Variants in HS6ST3 observed in about 807,000 individuals in gnomAD.
The protein encoded by HS6ST3 is heparan sulfate 6-O-sulfotransferase 3.
A neutral mutation model predicts 36.7 loss-of-function variants in HS6ST3; 12 were observed. The ratio of observed to expected loss-of-function variants is 0.33; its 90% confidence interval spans 0.21 to 0.53. HS6ST3 has a LOEUF of 0.53. Among genes scored for constraint, HS6ST3 ranks in the 20% least tolerant of loss-of-function variants. The pLI, the probability that HS6ST3 is intolerant of heterozygous loss-of-function variation, is 0.95. For synonymous variants in HS6ST3, 240 were observed against 257.5 expected (o/e 0.93, Z 0.65); for missense variants, 584 against 640.9 (o/e 0.91, Z 0.96).
chr13:96,706,505 G>A (rs543436775), intron 1 of HS6ST3, among the ~76,000 whole-genome samples: 5 of 148,044 alleles, frequency 3.4e-5, no homozygotes, highest in South Asian at 4.2e-4. Flanking sequence ...TGATATTGAG[G>A]CTCTCAGGAG....
At chr13:96,703,245 A>G (rs1201052745) in intron 1 of HS6ST3, among the ~76,000 whole-genome samples, 1 of 152,158 alleles carries the variant, frequency 6.6e-6, no homozygotes, top group African/African-American at 2.4e-5. Context: ...TCTCTAAATG[A>G]TCTATTGACG....
intron 1 of HS6ST3, among the ~76,000 whole-genome samples, chr13:96,500,891 G>A (rs940762560): frequency 6.6e-6 from 1 of 152,104 alleles, no homozygotes; most frequent in Admixed American, 6.5e-5. Flanking sequence ...GTAAGTGTGT[G>A]GCCATATTAT....
At chr13:96,448,431 G>A (rs932712954) in intron 1 of HS6ST3, among the ~76,000 whole-genome samples, 67 of 152,048 alleles carry the variant, frequency 4.4e-4, no homozygotes, top group Admixed American at 1.5e-3. Context: ...TAAACCAAAT[G>A]CACCGCATGC....
At chr13:96,791,918 T>G (rs1176274979) in intron 1 of HS6ST3, among the ~76,000 whole-genome samples, 1 of 152,108 alleles carries the variant, frequency 6.6e-6, no homozygotes, top group Non-Finnish European at 1.5e-5. Context: ...GGTGTCTTTA[T>G]GTATTTTATA....
At chr13:96,586,420 C>T (rs1594812745) in intron 1 of HS6ST3, among the ~76,000 whole-genome samples, 2 of 151,984 alleles carry the variant, frequency 1.3e-5, no homozygotes, top group Admixed American at 6.6e-5. Context: ...TTCAGCCTCC[C>T]GAGTAGCTGG....
rs1453405253 is a variant in HS6ST3 at position 96,833,264 on chromosome 13, C to T, written c.*66C>T. On this transcript the variant is annotated 3_prime_UTR_variant, in exon 2 of 2. Coordinates refer to ENST00000376705, the MANE Select transcript of HS6ST3 (RefSeq NM_153456.4). ...GGCACATTGACTTTCTGTTGAGGTA[C>T]CTTGGAGAAGCTGAGCCATTCTGAG... 2 of 1,308,294 alleles carry T rather than the reference C, an allele frequency of 1.5e-6. No individual in the cohort carries two copies. Among genetic ancestry groups the T allele is most frequent in the African/African-American group, 3.0e-5 (2 of 67,152 alleles). The allele number at this position is 1,308,294 out of a possible 1,614,324, so 81.0% of individuals were successfully genotyped here.
chr13:96,685,905 A>G (rs542772091), intron 1 of HS6ST3, among the ~76,000 whole-genome samples: 6 of 152,154 alleles, frequency 3.9e-5, no homozygotes, highest in Admixed American at 2.0e-4. Context: ...AGAGAATGAG[A>G]TGTTCAAAGT....
At chr13:96,632,472 T>A (rs2056535503) in intron 1 of HS6ST3, among the ~76,000 whole-genome samples, 1 of 152,186 alleles carries the variant, frequency 6.6e-6, no homozygotes, top group Non-Finnish European at 1.5e-5. Context: ...CTCCTGGATA[T>A]CAGCTAATAT....
At chr13:96,290,689 ATC>A (rs1194831563) in intron 1 of HS6ST3, among the ~76,000 whole-genome samples, 1 of 152,124 alleles carries the variant, frequency 6.6e-6, no homozygotes, top group Non-Finnish European at 1.5e-5. Context: ...AGCCAGAGTA[ATC>A]TCATTAAAAT....
intron 1 of HS6ST3, among the ~76,000 whole-genome samples, chr13:96,478,011 T>C (rs1381695734): frequency 6.6e-6 from 1 of 152,082 alleles, no homozygotes; most frequent in Non-Finnish European, 1.5e-5. Context: ...TAAAACAAAG[T>C]ATCAAGAAGA....
At chr13:96,736,477 A>T (rs910560263) in intron 1 of HS6ST3, among the ~76,000 whole-genome samples, 1 of 152,212 alleles carries the variant, frequency 6.6e-6, no homozygotes, top group South Asian at 2.1e-4. Context: ...TATAAACATC[A>T]TCATAAATAC....
chr13:96,297,858 T>G (rs909671268), intron 1 of HS6ST3, among the ~76,000 whole-genome samples: 2 of 152,146 alleles, frequency 1.3e-5, no homozygotes, highest in Non-Finnish European at 2.9e-5. Flanking sequence ...TACTGCTAAT[T>G]CAGCTTCTCT....
intron 1 of HS6ST3, among the ~76,000 whole-genome samples, chr13:96,536,816 A>T (rs2056157268): frequency 6.6e-6 from 1 of 152,232 alleles, no homozygotes; most frequent in African/African-American, 2.4e-5. Flanking sequence ...ATACTGTCTT[A>T]TGCAGAAACC....
intron 1 of HS6ST3, among the ~76,000 whole-genome samples, chr13:96,553,961 G>A (rs138034440): frequency 7.2e-5 from 11 of 152,248 alleles, no homozygotes; most frequent in South Asian, 4.1e-4. Context: ...ACAATAAATC[G>A]CATTAGGGAG....
intron 1 of HS6ST3, among the ~76,000 whole-genome samples, chr13:96,448,486 A>G (rs1482514070): frequency 6.6e-6 from 1 of 152,098 alleles, no homozygotes; most frequent in Admixed American, 6.6e-5. Flanking sequence ...CTCATTTCTC[A>G]CTGCTCTCCT....
At chr13:96,374,498 T>C (rs1193870894) in intron 1 of HS6ST3, among the ~76,000 whole-genome samples, 1 of 152,186 alleles carries the variant, frequency 6.6e-6, no homozygotes. Flanking sequence ...TCTCTTCCTG[T>C]AGTTCCAAGC....
intron 1 of HS6ST3, among the ~76,000 whole-genome samples, chr13:96,312,778 C>G (rs1034299150): frequency 1.3e-5 from 2 of 151,602 alleles, no homozygotes; most frequent in African/African-American, 4.8e-5. Flanking sequence ...GTGATGAAAC[C>G]CCATTTTTAC....
intron 1 of HS6ST3, among the ~76,000 whole-genome samples, chr13:96,599,294 A>T (rs987005253): frequency 5.9e-5 from 9 of 151,946 alleles, no homozygotes; most frequent in African/African-American, 2.2e-4. Flanking sequence ...GGAGATTTTT[A>T]AAATTACTTA....
Position 96,182,697 on chromosome 13 carries a change from T to C in HS6ST3, c.707+91128T>C, listed in dbSNP as rs1420860294. ...AGCAGACATAGCATCAAATGTAATA[T>C]ACCTGTTGTGAATAAGCAAATAAAA... On this transcript the variant is annotated intron_variant, in intron 1 of 1. Coordinates refer to ENST00000376705, the MANE Select transcript of HS6ST3 (RefSeq NM_153456.4). 2.0e-5 allele frequency among the ~76,000 whole-genome samples: 3 copies of C among 152,248 alleles called. No homozygotes were observed. In the East Asian group the frequency reaches 5.8e-4, roughly 29 times the overall value.
Sources: gnomAD v4.1 joint callset for allele counts (sites outside exome capture counted in the v4.1 genomes callset) on GRCh38, gnomAD v4.1.1 for gene constraint, MANE v1.5 for transcripts, NCBI Gene and HGNC (gene_info 2026-07-23, HGNC 2026-07-21) for gene names.